The following FEM1A variants were observed in gnomAD, a reference collection of about 807,000 sequenced individuals.
The protein encoded by FEM1A is protein fem-1 homolog A.
Under a neutral mutation model 0.7 loss-of-function variants are expected in FEM1A, and 1 was observed. The observed-to-expected ratio is 1.35, with a 90% confidence interval of 0.48 to 6.40. The LOEUF is 6.40. Among genes scored for constraint, FEM1A ranks in the 30% most tolerant of loss-of-function variants. The probability of loss-of-function intolerance (pLI) is 0.14; values close to 1 mark genes in which losing one functional copy is unlikely to be tolerated. For missense variants in FEM1A, 721 were observed against 918.7 expected, an observed-to-expected ratio of 0.78 and a Z score of 2.78; for synonymous variants, 391 against 420.6, an observed-to-expected ratio of 0.93 and a Z score of 0.86.
In FEM1A at chr19:4,792,879, C is replaced by A; in HGVS notation, c.1025C>A (p.Pro342Gln). ...GAGTACCTGCCCAAACCGGAGCCCC[C>A]ACAGCTGGTCCTGGCCTATGACTAT... is the stretch of plus-strand genomic sequence containing the variant. ...GGEYLPKPEP[P>Q]QLVLAYDYSR... The change falls in exon 1 of 1, where the codon CCA becomes CAA. Residue 342 changes from proline to glutamine, a missense_variant. Physicochemically the swap from Pro to Gln is moderately conservative, Grantham distance 76. Coordinates refer to ENST00000269856, the MANE Select transcript of FEM1A (RefSeq NM_018708.3). The surrounding 1 kb of genome is among the most constrained non-coding windows in gnomAD (Gnocchi z 6.7). The A allele has an allele frequency of 6.2e-7, 1 of 1,612,286 alleles. No homozygotes were observed. The highest frequency in any genetic ancestry group is 1.1e-5 in the South Asian group (1 of 90,998).
rs202225950 is a variant in FEM1A, at chr19:4,793,005, C to T, written c.1151C>T (p.Pro384Leu). 1.2e-6 allele frequency: 2 copies of T among 1,613,192 alleles called. No homozygotes were observed. The highest frequency in any genetic ancestry group is 2.2e-5 in the East Asian group (1 of 44,874). ...ALLIRERILGPSHPDTSYYIR... is the reference protein window; with the variant it reads ...ALLIRERILGLSHPDTSYYIR... ...TTGATCCGGGAGCGCATCCTCGGTCCCTCGCACCCGGACACTTCCTATTAC... is the reference window on the plus strand; with the variant it reads ...TTGATCCGGGAGCGCATCCTCGGTCTCTCGCACCCGGACACTTCCTATTAC... The change falls in exon 1 of 1, where the codon CCC becomes CTC. Residue 384 changes from proline (P) to leucine (L), a missense_variant. By Grantham distance (98) the Pro-to-Leu change is moderately conservative. Around this residue, in one of 4 missense-constraint regions of FEM1A, gnomAD observed 379 missense variants for 454.8 expected, o/e 0.83. Transcript: ENST00000269856. The surrounding 1 kb of genome is among the most constrained non-coding windows in gnomAD (Gnocchi z 5.1).
In FEM1A at chr19:4,792,954, C is replaced by G. The variant is rs1344521362; in HGVS notation, c.1100C>G (p.Pro367Arg). Residue 367 changes from proline (P) to arginine (R), a missense_variant, in exon 1 of 1, where the codon CCG becomes CGG. Physicochemically the swap from Pro to Arg is moderately radical, Grantham distance 103. This residue lies in a region of FEM1A where 379 missense variants were observed against 454.8 expected (regional missense o/e 0.83). Coordinates refer to ENST00000269856, the MANE Select transcript of FEM1A (RefSeq NM_018708.3). The surrounding 1 kb of genome is among the most constrained non-coding windows in gnomAD (Gnocchi z 6.7). Reference sequence around the variant, plus strand: ...GAGCTGGAGGCGCTGATCACCGACCCGGATGAGATGCGCATGCAGGCCCTG... The same window carrying G: ...GAGCTGGAGGCGCTGATCACCGACCGGGATGAGATGCGCATGCAGGCCCTG... ...TEELEALITDPDEMRMQALLI... is the reference protein window; with the variant it reads ...TEELEALITDRDEMRMQALLI... The G allele has an allele frequency of 6.2e-7, 1 of 1,612,722 alleles. No homozygotes were observed. Among genetic ancestry groups the G allele is most frequent in the East Asian group, 2.2e-5 (1 of 44,878 alleles).
Position 4,797,885 on chromosome 19 carries a change from C to G in FEM1A, c.*4021C>G, listed in dbSNP as rs2093563011. ...CCCAGGAGTTTGAGGCTGCAGTGAG[C>G]CTTAATGGCACCATCACACTCCAGC... On this transcript the variant is annotated 3_prime_UTR_variant, in exon 1 of 1. Coordinates refer to ENST00000269856, the MANE Select transcript of FEM1A (RefSeq NM_018708.3). The G allele has an allele frequency of 6.6e-6, 1 of 152,018 alleles. No individual in the cohort carries two copies. The allele number at this position is 152,018 out of a possible 1,614,324, so 9.4% of individuals were successfully genotyped here.
Position 4,799,882 on chromosome 19 carries a change from G to GT in FEM1A, c.*6019dup, listed in dbSNP as rs2146155448. On this transcript the variant is annotated 3_prime_UTR_variant, in exon 1 of 1. Coordinates refer to ENST00000269856, the MANE Select transcript of FEM1A (RefSeq NM_018708.3). Reference sequence around the variant, plus strand: ...ATCGCGCCACTGCACTCCAGCCTGGGTGACATAGCAAGACTCTGTCTCAAA... The same window carrying GT: ...ATCGCGCCACTGCACTCCAGCCTGGGTTGACATAGCAAGACTCTGTCTCAAA... The GT allele has an allele frequency of 1.2e-5, 1 of 85,528 alleles. No homozygotes were observed. Among genetic ancestry groups the GT allele is most frequent in the East Asian group, 3.1e-4 (1 of 3,220 alleles). 5.3% of individuals were successfully genotyped at this position (85,528 alleles called of 1,614,324 possible).
rs1165045642 is a variant in FEM1A, at chr19:4,799,119, A to C, written c.*5255A>C. 1 of 152,230 alleles carries C rather than the reference A, an allele frequency of 6.6e-6. No individual in the cohort carries two copies. The highest frequency in any genetic ancestry group is 1.5e-5 in the Non-Finnish European group (1 of 68,096). 9.4% of individuals were successfully genotyped at this position (152,230 alleles called of 1,614,324 possible). A position where few individuals can be genotyped will look rare whatever the true frequency, so the allele number is the denominator to read the frequency against. On this transcript the variant is annotated 3_prime_UTR_variant, in exon 1 of 1. Coordinates refer to ENST00000269856, the MANE Select transcript of FEM1A (RefSeq NM_018708.3). ...AAGAGAGCGTCTTCCTCCCAGTCAC[A>C]TCCCAAGATTCGTGACCGAGCGCGG...
At position 4,799,421 on chromosome 19, in the gene FEM1A, AACAAAAC is replaced by A. The variant is rs2093565537; in HGVS notation, c.*5559_*5565del. On this transcript the variant is annotated 3_prime_UTR_variant, in exon 1 of 1. Transcript: ENST00000269856. ...AGAGCAAGACTCTGTCTCAAAACAA[AACAAAAC>A]AAACAAACAAACAAACAAACAAAAA... The A allele has an allele frequency of 6.7e-6, 1 of 149,348 alleles. No individual in the cohort carries two copies. The highest frequency in any genetic ancestry group is 1.4e-5 in the Non-Finnish European group (1 of 71,210). The allele number at this position is 149,348 out of a possible 1,614,324, so 9.3% of individuals were successfully genotyped here. A position where few individuals can be genotyped will look rare whatever the true frequency, so the allele number is the denominator to read the frequency against.
rs932345941 is a variant in FEM1A at position 4,800,758 on chromosome 19, G to A, written c.*6894G>A. The stretch of plus-strand genomic sequence containing the variant: ...GCAGGACTGTTATCTGAGCAACGTC[G>A]ACGGGGGAGAACACCCCTGCCCGAG... On this transcript the variant is annotated 3_prime_UTR_variant, in exon 1 of 1. Transcript: ENST00000269856. 1 of 152,256 alleles carries A rather than the reference G, an allele frequency of 6.6e-6. No homozygotes were observed. Among genetic ancestry groups the A allele is most frequent in the Non-Finnish European group, 1.5e-5 (1 of 68,108 alleles). The allele number at this position is 152,256 out of a possible 1,614,324, so 9.4% of individuals were successfully genotyped here.
In FEM1A at chr19:4,797,209, T is replaced by A. The variant is rs1391754442; in HGVS notation, c.*3345T>A. ...GAGACGGAGTCTCTGTCGCTCAGGC[T>A]GGAGTGCAGTGGTGTGATCTCGGCT... On this transcript the variant is annotated 3_prime_UTR_variant, in exon 1 of 1. Transcript: ENST00000269856. 7.6e-6 allele frequency: 1 copy of A among 130,936 alleles called. No homozygotes were observed. Among genetic ancestry groups the A allele is most frequent in the Non-Finnish European group, 1.6e-5 (1 of 64,476 alleles). 8.1% of individuals were successfully genotyped at this position (130,936 alleles called of 1,614,324 possible).
Position 4,793,509 on chromosome 19 carries a change from G to C in FEM1A, c.1655G>C (p.Arg552Pro), listed in dbSNP as rs768289576. 6 of 1,612,890 alleles carry C rather than the reference G, an allele frequency of 3.7e-6. No homozygotes were observed. Among genetic ancestry groups the C allele is most frequent in the South Asian group, 3.3e-5 (3 of 91,034 alleles). Residue 552 changes from arginine to proline, a missense_variant, in exon 1 of 1, where the codon CGC becomes CCC. Physicochemically the swap from Arg to Pro is moderately radical, Grantham distance 103. Coordinates refer to ENST00000269856, the MANE Select transcript of FEM1A (RefSeq NM_018708.3). This position sits in a 1 kb window ranked among gnomAD's most constrained non-coding sequence, Gnocchi z 5.1. Reference protein sequence around the residue: ...AVDKDTTNVGRYPVGRFPSLH... With the variant: ...AVDKDTTNVGPYPVGRFPSLH... ...GACAAGGACACCACAAACGTGGGCC[G>C]CTATCCCGTGGGCAGATTCCCCTCC... is the stretch of plus-strand genomic sequence containing the variant.
chr19:4,794,244 C>T lies in FEM1A; in HGVS notation c.*380C>T, dbSNP rs753806722. 1.1e-5 allele frequency: 3 copies of T among 269,488 alleles called. No individual in the cohort carries two copies. The highest frequency in any genetic ancestry group is 4.4e-5 in the African/African-American group (2 of 45,026). 16.7% of individuals were successfully genotyped at this position (269,488 alleles called of 1,614,324 possible). On this transcript the variant is annotated 3_prime_UTR_variant, in exon 1 of 1. Coordinates refer to ENST00000269856, the MANE Select transcript of FEM1A (RefSeq NM_018708.3). ...TAGAAACACAGGAAGAAGTTGAGGA[C>T]TGTCTGCCTTCCCTCGTCCCTTTAC...
At position 4,793,736 on chromosome 19, in the gene FEM1A, A is replaced by G. The variant is rs1568360146; in HGVS notation, c.1882A>G (p.Arg628Gly). 1 of 1,612,640 alleles carries G rather than the reference A, an allele frequency of 6.2e-7. No homozygotes were observed. The highest frequency in any genetic ancestry group is 8.5e-7 in the Non-Finnish European group (1 of 1,179,796). The change falls in exon 1 of 1, where the codon AGG becomes GGG. Residue 628 changes from arginine to glycine, a missense_variant. Physicochemically the swap from Arg to Gly is moderately radical, Grantham distance 125. Transcript: ENST00000269856. The surrounding 1 kb of genome is among the most constrained non-coding windows in gnomAD (Gnocchi z 5.1). ...GCTGCTGGACGAGAAGCTGCTGGCC[A>G]GGGGTACCATGCAGCCCTTCAACTA... ...YELLDEKLLA[R>G]GTMQPFNYVT...
rs1314618178 is a variant in FEM1A at position 4,796,873 on chromosome 19, G to C, written c.*3009G>C. 2 of 152,234 alleles carry C rather than the reference G, an allele frequency of 1.3e-5. No homozygotes were observed. The highest frequency in any genetic ancestry group is 2.9e-5 in the Non-Finnish European group (2 of 68,084). 9.4% of individuals were successfully genotyped at this position (152,234 alleles called of 1,614,324 possible). A position where few individuals can be genotyped will look rare whatever the true frequency, so the allele number is the denominator to read the frequency against. On this transcript the variant is annotated 3_prime_UTR_variant, in exon 1 of 1. Coordinates refer to ENST00000269856, the MANE Select transcript of FEM1A (RefSeq NM_018708.3). ...CTGCTGTCTTGTTTCATTTGGGACT[G>C]GACAGTCCCACAGGTGACAGCTGTT...
At position 4,793,609 on chromosome 19, in the gene FEM1A, A is replaced by G. The variant is rs1289164543; in HGVS notation, c.1755A>G (p.Leu585=). The G allele has an allele frequency of 6.2e-7, 1 of 1,612,702 alleles. No individual in the cohort carries two copies. Among genetic ancestry groups the G allele is most frequent in the Non-Finnish European group, 8.5e-7 (1 of 1,179,858 alleles). ...DSRDFDNNTP[L]HIAAQNNCPA... is the part of the protein sequence containing the mutation. The stretch of plus-strand genomic sequence containing the variant: ...GGGATTTTGACAACAACACCCCGCT[A>G]CACATAGCAGCCCAGAACAACTGCC... Residue 585 remains leucine, a synonymous_variant, in exon 1 of 1, where the codon CTA becomes CTG. Coordinates refer to ENST00000269856, the MANE Select transcript of FEM1A (RefSeq NM_018708.3). This position sits in a 1 kb window ranked among gnomAD's most constrained non-coding sequence, Gnocchi z 5.1.
At position 4,793,576 on chromosome 19, in the gene FEM1A, G is replaced by A. The variant is rs757230029; in HGVS notation, c.1722G>A (p.Pro574=). ...TGCTGCTCGACTGCGGGGCCGACCCGGACAGCAGGGATTTTGACAACAACA... is the reference window on the plus strand; with the variant it reads ...TGCTGCTCGACTGCGGGGCCGACCCAGACAGCAGGGATTTTGACAACAACA... The part of the protein sequence containing the change: ...VKVLLDCGAD[P]DSRDFDNNTP... Residue 574 remains proline, a synonymous_variant, in exon 1 of 1, where the codon CCG becomes CCA. Transcript: ENST00000269856. This position sits in a 1 kb window ranked among gnomAD's most constrained non-coding sequence, Gnocchi z 5.1. 20 of 1,612,742 alleles carry A rather than the reference G, an allele frequency of 1.2e-5. No individual in the cohort carries two copies. Among genetic ancestry groups the A allele is most frequent in the Middle Eastern group, 1.9e-4 (1 of 5,224 alleles).
At position 4,792,712 on chromosome 19, in the gene FEM1A, C is replaced by A. The variant is rs773971419; in HGVS notation, c.858C>A (p.Tyr286Ter). The A allele has an allele frequency of 1.9e-6, 3 of 1,611,970 alleles. No individual in the cohort carries two copies. The highest frequency in any genetic ancestry group is 2.7e-5 in the African/African-American group (2 of 74,864). ...AGGAACCACTGAACGGGGAATCTTA[C>A]GAAAGCTGCTGTCCCACCAGCCGGG... is the stretch of plus-strand genomic sequence containing the variant. ...SPEEPLNGES[Y>*]ESCCPTSREA... is the part of the protein sequence containing the mutation. The change falls in exon 1 of 1, where the codon TAC becomes TAA. Residue 286 changes from tyrosine (Y) to a stop codon, truncating the protein, a stop_gained. Transcript: ENST00000269856. LOFTEE classifies it low-confidence loss of function (END_TRUNC). This position sits in a 1 kb window ranked among gnomAD's most constrained non-coding sequence, Gnocchi z 6.7.
chr19:4,793,354 C>T lies in FEM1A; in HGVS notation c.1500C>T (p.His500=). 1 of 1,612,340 alleles carries T rather than the reference C, an allele frequency of 6.2e-7. No homozygotes were observed. Among genetic ancestry groups the T allele is most frequent in the Non-Finnish European group, 8.5e-7 (1 of 1,179,864 alleles). ...CCAAGGCGCTGGCCATCATCCTCCA[C>T]CTGCTCTACCTGCTGGAGAAAGTGG... The part of the protein sequence containing the change: ...QFTKALAIIL[H]LLYLLEKVEC... Residue 500 remains histidine (H), a synonymous_variant, in exon 1 of 1, where the codon CAC becomes CAT. Coordinates refer to ENST00000269856, the MANE Select transcript of FEM1A (RefSeq NM_018708.3). This position sits in a 1 kb window ranked among gnomAD's most constrained non-coding sequence, Gnocchi z 5.1.
Position 4,792,664 on chromosome 19 carries a change from T to A in FEM1A, c.810T>A (p.Ala270=). Residue 270 remains alanine, a synonymous_variant, in exon 1 of 1, where the codon GCT becomes GCA. Coordinates refer to ENST00000269856, the MANE Select transcript of FEM1A (RefSeq NM_018708.3). The surrounding 1 kb of genome is among the most constrained non-coding windows in gnomAD (Gnocchi z 6.7). ...TSQGCAQPQG[A]PCCSSSPEEP... is the part of the protein sequence containing the mutation. Reference sequence around the variant, plus strand: ...AGGGGTGTGCGCAGCCTCAGGGGGCTCCGTGCTGCAGCTCCTCCCCAGAGG... The same window carrying A: ...AGGGGTGTGCGCAGCCTCAGGGGGCACCGTGCTGCAGCTCCTCCCCAGAGG... 1 of 1,612,054 alleles carries A rather than the reference T, an allele frequency of 6.2e-7. No individual in the cohort carries two copies. The highest frequency in any genetic ancestry group is 8.5e-7 in the Non-Finnish European group (1 of 1,179,834).
In FEM1A at chr19:4,798,859, C is replaced by T. The variant is rs1194854504; in HGVS notation, c.*4995C>T. The T allele has an allele frequency of 6.6e-6, 1 of 152,144 alleles. No individual in the cohort carries two copies. The highest frequency in any genetic ancestry group is 2.4e-5 in the African/African-American group (1 of 41,422). The allele number at this position is 152,144 out of a possible 1,614,324, so 9.4% of individuals were successfully genotyped here. A position where few individuals can be genotyped will look rare whatever the true frequency, so the allele number is the denominator to read the frequency against. On this transcript the variant is annotated 3_prime_UTR_variant, in exon 1 of 1. Coordinates refer to ENST00000269856, the MANE Select transcript of FEM1A (RefSeq NM_018708.3). Reference sequence around the variant, plus strand: ...CCCTCGGGGATCTGCCAGACTCAGCCCCCTAACCCCAAGAAAATCACTCAC... The same window carrying T: ...CCCTCGGGGATCTGCCAGACTCAGCTCCCTAACCCCAAGAAAATCACTCAC...
At position 4,792,558 on chromosome 19, in the gene FEM1A, T is replaced by C; in HGVS notation, c.704T>C (p.Ile235Thr). 4 of 1,605,404 alleles carry C rather than the reference T, an allele frequency of 2.5e-6. No individual in the cohort carries two copies. Among genetic ancestry groups the C allele is most frequent in the Non-Finnish European group, 2.5e-6 (3 of 1,179,678 alleles). The change falls in exon 1 of 1, where the codon ATC becomes ACC. Residue 235 changes from isoleucine (I) to threonine (T), a missense_variant. Coordinates refer to ENST00000269856, the MANE Select transcript of FEM1A (RefSeq NM_018708.3). The surrounding 1 kb of genome is among the most constrained non-coding windows in gnomAD (Gnocchi z 6.7). ...CACACCAACATCGTGGAGTACCTCATCCAGGAGCAGCCCGGCCAGGAGCAG... is the reference window on the plus strand; with the variant it reads ...CACACCAACATCGTGGAGTACCTCACCCAGGAGCAGCCCGGCCAGGAGCAG... ...TGHTNIVEYLIQEQPGQEQVA... is the reference protein window; with the variant it reads ...TGHTNIVEYLTQEQPGQEQVA...
Sources: allele counts gnomAD v4.1 joint callset, GRCh38; gene constraint gnomAD v4.1.1; regional missense constraint gnomAD v4.1.1; non-coding constraint Gnocchi (gnomAD v3.1); transcripts MANE v1.5; gene names NCBI Gene and HGNC (gene_info 2026-07-23, HGNC 2026-07-21).